TP53I3: variants seen among roughly 807,000 people sequenced by gnomAD.
TP53I3 encodes quinone oxidoreductase PIG3.
Under a neutral mutation model 27.7 loss-of-function variants are expected in TP53I3, and 32 were observed. That is an observed-to-expected ratio of 1.16 (90% CI 0.87 to 1.55). TP53I3 has a LOEUF of 1.55. Ranked by LOEUF, TP53I3 falls within the 40% of genes most tolerant of loss-of-function variation. TP53I3 has a pLI of 0.00. For synonymous variants in TP53I3, 138 were observed against 167.8 expected (o/e 0.82, Z 1.37); for missense variants, 372 against 412.3 (o/e 0.90, Z 0.85).
chr2:24,080,902 T>G lies in TP53I3; in HGVS notation c.536A>C (p.Gln179Pro). The change falls in exon 3 of 5, where the codon CAA becomes CCA. Residue 179 changes from glutamine to proline, a missense_variant. Gln to Pro is a moderately conservative substitution (Grantham distance 76, BLOSUM62 -1). Transcript: ENST00000238721. This position sits in a 1 kb window ranked among gnomAD's most constrained non-coding sequence, Gnocchi z 4.7. ...LVTAGSQKKLQMAEKLGAAAG... is the reference protein window; with the variant it reads ...LVTAGSQKKLPMAEKLGAAAG... ...AGCTGCTCCAAGCTTTTCTGCCATT[T>G]GAAGCTTCTTCTGGGAGCCAGCTGT... 1.2e-6 allele frequency: 2 copies of G among 1,614,244 alleles called. No individual in the cohort carries two copies. The highest frequency in any genetic ancestry group is 1.7e-6 in the Non-Finnish European group (2 of 1,180,042).
At position 24,083,130 on chromosome 2, in the gene TP53I3, G is replaced by A. The variant is rs752287490; in HGVS notation, c.161C>T (p.Pro54Leu). 1 of 1,612,922 alleles carries A rather than the reference G, an allele frequency of 6.2e-7. No individual in the cohort carries two copies. The highest frequency in any genetic ancestry group is 8.5e-7 in the Non-Finnish European group (1 of 1,179,300). ...TCCCAAAATGTTGCTGGCTCCTGGA[G>A]GTGGGTCATACTGGCCTTGTCTCTG... Reference protein sequence around the residue: ...LMQRQGQYDPPPGASNILGLE... With the variant: ...LMQRQGQYDPLPGASNILGLE... Residue 54 changes from proline (P) to leucine (L), a missense_variant, in exon 2 of 5, where the codon CCT (proline) becomes CTT (leucine). Transcript: ENST00000238721.
rs745815336 is a variant in TP53I3, at chr2:24,083,043, C to T, written c.248G>A (p.Gly83Glu). 3 of 1,614,166 alleles carry T rather than the reference C, an allele frequency of 1.9e-6. No homozygotes were observed. Among genetic ancestry groups the T allele is most frequent in the Non-Finnish European group, 2.5e-6 (3 of 1,180,032 alleles). Residue 83 changes from glycine (G) to glutamate (E), a missense_variant, in exon 2 of 5, where the codon GGG (glycine) becomes GAG (glutamate). Gly to Glu is a moderately conservative substitution (Grantham distance 98, BLOSUM62 -2). Coordinates refer to ENST00000238721, the MANE Select transcript of TP53I3 (RefSeq NM_004881.5). ...GGGGAGCAGAGCCATGGCTGTGTCCCCGATCTTCCAGTGTCCCTGGCAGCC... is the reference window on the plus strand; with the variant it reads ...GGGGAGCAGAGCCATGGCTGTGTCCTCGATCTTCCAGTGTCCCTGGCAGCC... ...GPGCQGHWKIGDTAMALLPGG... is the reference protein window; with the variant it reads ...GPGCQGHWKIEDTAMALLPGG...
In TP53I3 at chr2:24,077,675, C is replaced by T. The variant is rs1664814050; in HGVS notation, c.903G>A (p.Leu301=). The T allele has an allele frequency of 6.2e-7, 1 of 1,613,956 alleles. No individual in the cohort carries two copies. The highest frequency in any genetic ancestry group is 8.5e-7 in the Non-Finnish European group (1 of 1,180,010). ...TTTCGGTCACTGGGTAGATTCTGTCCAGAACCGGCAGCAGACGTTGGGGGC... is the reference window on the plus strand; with the variant it reads ...TTTCGGTCACTGGGTAGATTCTGTCTAGAACCGGCAGCAGACGTTGGGGGC... ...TEGPQRLLPV[L]DRIYPVTEIQ... The change falls in exon 5 of 5, where the codon CTG becomes CTA. Residue 301 remains leucine (L), a synonymous_variant. Coordinates refer to ENST00000238721, the MANE Select transcript of TP53I3 (RefSeq NM_004881.5). The surrounding 1 kb of genome is among the most constrained non-coding windows in gnomAD (Gnocchi z 5.5).
At chr2:24,078,231 T>C (rs986189737) in intron 4 of TP53I3, among the ~76,000 whole-genome samples, 5 of 152,194 alleles carry the variant, frequency 3.3e-5, no homozygotes, top group Admixed American at 6.5e-5. Flanking sequence ...AAATTTACTA[T>C]CCCTAGCCAG....
intron 4 of TP53I3, chr2:24,079,188 GC>G: frequency 2.1e-6 from 1 of 477,688 alleles, no homozygotes; most frequent in East Asian, 3.4e-5. Context: ...TATAGTCAGT[GC>G]TTTCTTCATT....
At position 24,081,897 on chromosome 2, in the gene TP53I3, G is replaced by A. The variant is rs548261464; in HGVS notation, c.407-866C>T. On this transcript the variant is annotated intron_variant, in intron 2 of 4. Transcript: ENST00000238721. ...TTTTTAGTAGAGATGAAGTTTCACC[G>A]TGTTAGCCAGGATGGTCTCGATCTC... is the stretch of plus-strand genomic sequence containing the variant. Among the ~76,000 whole-genome samples the A allele has an allele frequency of 2.4e-3, 362 of 151,898 alleles. 2 individuals carry two copies. Among genetic ancestry groups the A allele is most frequent in the African/African-American group, 8.0e-3 (330 of 41,414 alleles).
chr2:24,079,474 G>C lies in TP53I3; in HGVS notation c.786C>G (p.Ile262Met). 2 of 1,614,128 alleles carry C rather than the reference G, an allele frequency of 1.2e-6. No individual in the cohort carries two copies. Among genetic ancestry groups the C allele is most frequent in the Non-Finnish European group, 1.7e-6 (2 of 1,180,034 alleles). Residue 262 changes from isoleucine to methionine, a missense_variant, in exon 4 of 5, where the codon ATC becomes ATG. By Grantham distance (10) the Ile-to-Met change is conservative (BLOSUM62 1). Transcript: ENST00000238721. ...SKLLFKRGSL[I>M]TSLLRSRDNK... ...TGTCCCTAGACCTCAGCAAACTGGT[G>C]ATCAGACTTCCTCGCTTAAAAAGTA...
In TP53I3 at chr2:24,082,983, T is replaced by G. The variant is rs776785828; in HGVS notation, c.308A>C (p.Glu103Ala). ...GGQAQYVTVP[E>A]GLLMPIPEGL... ...CTCTGGGATAGGCATGAGGAGCCCT[T>G]CGGGGACAGTGACGTACTGAGCCTG... is the stretch of plus-strand genomic sequence containing the variant. Residue 103 changes from glutamate (E) to alanine (A), a missense_variant, in exon 2 of 5, where the codon GAA (glutamate) becomes GCA (alanine). Physicochemically the swap from Glu to Ala is moderately radical, Grantham distance 107. Transcript: ENST00000238721. 6.2e-7 allele frequency: 1 copy of G among 1,614,160 alleles called. No individual in the cohort carries two copies. Among genetic ancestry groups the G allele is most frequent in the Admixed American group, 1.7e-5 (1 of 60,028 alleles).
chr2:24,077,902 T>C lies in TP53I3; in HGVS notation c.817-141A>G. On this transcript the variant is annotated intron_variant, in intron 4 of 4. Transcript: ENST00000238721. The surrounding 1 kb of genome is among the most constrained non-coding windows in gnomAD (Gnocchi z 5.5). ...ACACTTAACCCCTCACTTCCTAGCA[T>C]GTGTGTGAAATACCCTTGAAGGAGT... 2.4e-6 allele frequency: 2 copies of C among 843,956 alleles called. No individual in the cohort carries two copies. Among genetic ancestry groups the C allele is most frequent in the Non-Finnish European group, 3.6e-6 (2 of 549,116 alleles). 52.3% of individuals were successfully genotyped at this position (843,956 alleles called of 1,614,324 possible). A position where few individuals can be genotyped will look rare whatever the true frequency, so the allele number is the denominator to read the frequency against.
chr2:24,081,693 T>G (rs1157646735), intron 2 of TP53I3, among the ~76,000 whole-genome samples: 6 of 150,342 alleles, frequency 4.0e-5, no homozygotes, highest in African/African-American at 1.5e-4. Flanking sequence ...TGATACTGTT[T>G]TTTTTTTTTT....
rs367734879 is a variant in TP53I3 at position 24,084,192 on chromosome 2, C to T, written c.135G>A (p.Met45Ile). The T allele has an allele frequency of 5.7e-5, 92 of 1,611,900 alleles. 2 individuals carry two copies. The South Asian group carries it at 9.7e-4, about 17-fold the overall frequency. Residue 45 changes from methionine to isoleucine, a missense_variant, in exon 1 of 5, where the codon ATG (methionine) becomes ATA (isoleucine). Transcript: ENST00000238721. This position sits in a 1 kb window ranked among gnomAD's most constrained non-coding sequence, Gnocchi z 8.4. ...AASALNRADLMQRQGQYDPPP... is the reference protein window; with the variant it reads ...AASALNRADLIQRQGQYDPPP... ...GGCGCGGCTGAGCCCTGGGTACCTG[C>T]ATTAAGTCCGCCCGGTTCAGGGCGC... is the stretch of plus-strand genomic sequence containing the variant.
rs2150981727 is a variant in TP53I3, at chr2:24,077,885, C to T, written c.817-124G>A. On this transcript the variant is annotated intron_variant, in intron 4 of 4. Coordinates refer to ENST00000238721, the MANE Select transcript of TP53I3 (RefSeq NM_004881.5). This position sits in a 1 kb window ranked among gnomAD's most constrained non-coding sequence, Gnocchi z 5.5. Reference sequence around the variant, plus strand: ...TGAAAAAGCACACAGGGACACTTAACCCCTCACTTCCTAGCATGTGTGTGA... The same window carrying T: ...TGAAAAAGCACACAGGGACACTTAATCCCTCACTTCCTAGCATGTGTGTGA... The T allele has an allele frequency of 4.1e-6, 4 of 979,754 alleles. No homozygotes were observed. The highest frequency in any genetic ancestry group is 4.5e-6 in the Non-Finnish European group (3 of 663,002). The allele number at this position is 979,754 out of a possible 1,614,324, so 60.7% of individuals were successfully genotyped here.
chr2:24,079,767 C>A, intron 3 of TP53I3, 127 bp from the exon 4 acceptor site: 1 of 845,960 alleles, frequency 1.2e-6, no homozygotes, highest in South Asian at 1.8e-5. Context: ...ATTAGAAACA[C>A]TGCTTGAAGA....
chr2:24,080,848 A>G lies in TP53I3; in HGVS notation c.590T>C (p.Phe197Ser), dbSNP rs745394241. ...AAGFNYKKED[F>S]SEATLKFTKG... is the part of the protein sequence containing the mutation. ...GGTGAATTTCAGCGTTGCTTCAGAG[A>G]AATCCTCTTTTTTGTAATTGAATCC... The change falls in exon 3 of 5, where the codon TTC becomes TCC. Residue 197 changes from phenylalanine (F) to serine (S), a missense_variant. By Grantham distance (155) the Phe-to-Ser change is radical. Coordinates refer to ENST00000238721, the MANE Select transcript of TP53I3 (RefSeq NM_004881.5). The surrounding 1 kb of genome is among the most constrained non-coding windows in gnomAD (Gnocchi z 4.7). 2 of 1,614,184 alleles carry G rather than the reference A, an allele frequency of 1.2e-6. No homozygotes were observed. The highest frequency in any genetic ancestry group is 1.7e-6 in the Non-Finnish European group (2 of 1,180,048).
At chr2:24,078,066 G>A (rs1191915815) in intron 4 of TP53I3, among the ~76,000 whole-genome samples, 1 of 152,076 alleles carries the variant, frequency 6.6e-6, no homozygotes, top group Non-Finnish European at 1.5e-5. Context: ...CCTCTGAGAG[G>A]GGTACCCTCC....
At chr2:24,082,314 C>A (rs991153008) in intron 2 of TP53I3, among the ~76,000 whole-genome samples, 3 of 152,166 alleles carry the variant, frequency 2.0e-5, no homozygotes, top group African/African-American at 4.8e-5. Context: ...CTTGGCATGC[C>A]TTATGTCCTT....
intron 1 of TP53I3, among the ~76,000 whole-genome samples, chr2:24,083,609 C>A (rs1443778441): frequency 6.6e-6 from 1 of 152,164 alleles, no homozygotes; most frequent in Non-Finnish European, 1.5e-5. Context: ...GCCCCCATCA[C>A]GTTTCTTTTG....
chr2:24,083,726 C>T (rs900239630), intron 1 of TP53I3, among the ~76,000 whole-genome samples: 3 of 152,172 alleles, frequency 2.0e-5, no homozygotes, highest in African/African-American at 2.4e-5. Context: ...GAGTACTGCC[C>T]GCTGTCAGCT....
At chr2:24,081,641 A>G (rs1377657014) in intron 2 of TP53I3, among the ~76,000 whole-genome samples, 2 of 151,498 alleles carry the variant, frequency 1.3e-5, no homozygotes, top group Admixed American at 6.6e-5. Context: ...ACAAATCACA[A>G]TAGTCATCCT....
Sources: gnomAD v4.1 joint callset for allele counts (sites outside exome capture counted in the v4.1 genomes callset) on GRCh38, gnomAD v4.1.1 for gene constraint, Gnocchi (gnomAD v3.1) non-coding constraint, MANE v1.5 for transcripts, NCBI Gene and HGNC (gene_info 2026-07-23, HGNC 2026-07-21) for gene names.